The following CCDC73 variants were observed in gnomAD, a reference collection of about 807,000 sequenced individuals.
CCDC73 encodes coiled-coil domain-containing protein 73.
A neutral mutation model predicts 116.5 loss-of-function variants in CCDC73; 95 were observed. The ratio of observed to expected loss-of-function variants is 0.82; its 90% CI spans 0.69 to 0.97. The LOEUF is 0.97. Among genes scored for constraint, CCDC73 ranks in the 50% least tolerant of loss-of-function variants. The pLI is 0.00. For synonymous variants in CCDC73, 398 were observed against 401.3 expected (o/e 0.99, Z 0.10); for missense variants, 1,066 against 1,206.8 (o/e 0.88, Z 1.73).
chr11:32,802,633 G>A, the CCDC73 span, among the ~76,000 whole-genome samples: 1 of 152,220 alleles, frequency 6.6e-6, no homozygotes, highest in East Asian at 1.9e-4. Flanking sequence ...GTTCTAACAA[G>A]CAATTCCTGG....
At chr11:32,736,596 AG>A (rs1850131627) in intron 2 of CCDC73, among the ~76,000 whole-genome samples, 1 of 152,106 alleles carries the variant, frequency 6.6e-6, no homozygotes, top group South Asian at 2.1e-4. Flanking sequence ...TGTGGAAGTC[AG>A]TGTGGCGATT....
At chr11:32,660,245 A>AAAC (rs1554963521) in intron 9 of CCDC73, among the ~76,000 whole-genome samples, 5 of 150,670 alleles carry the variant, frequency 3.3e-5, no homozygotes, top group African/African-American at 1.2e-4. Context: ...AAAAAAAAAA[A>AAAC]AAAAAAAAAA....
intron 2 of CCDC73, among the ~76,000 whole-genome samples, chr11:32,740,148 C>CT (rs981820658): frequency 1.5e-4 from 21 of 136,918 alleles, no homozygotes; most frequent in Admixed American, 7.3e-4. Flanking sequence ...CTTTTTCTTT[C>CT]TTTTTTTTGT....
chr11:32,661,691 A>T (rs1855928740), intron 9 of CCDC73, among the ~76,000 whole-genome samples: 1 of 146,650 alleles, frequency 6.8e-6, no homozygotes, highest in Non-Finnish European at 1.5e-5. Context: ...TCTTTATTTT[A>T]TTATTATTAT....
chr11:32,694,726 G>C (rs534770179), intron 6 of CCDC73, among the ~76,000 whole-genome samples: 1 of 152,156 alleles, frequency 6.6e-6, no homozygotes, highest in African/African-American at 2.4e-5. Flanking sequence ...TTCTCTTACT[G>C]ACAACCTTTT....
the CCDC73 span, among the ~76,000 whole-genome samples, chr11:32,823,658 A>G: frequency 6.6e-6 from 1 of 152,146 alleles, no homozygotes; most frequent in East Asian, 1.9e-4. Context: ...CTGATAACAG[A>G]AAAATTCTGT....
the CCDC73 span, among the ~76,000 whole-genome samples, chr11:32,814,073 T>A: frequency 6.6e-6 from 1 of 152,222 alleles, no homozygotes; most frequent in Admixed American, 6.5e-5. Context: ...TTAATAATTT[T>A]CCTCATAAAG....
At chr11:32,765,895 C>T (rs969467544) in intron 1 of CCDC73, among the ~76,000 whole-genome samples, 1 of 152,200 alleles carries the variant, frequency 6.6e-6, no homozygotes, top group African/African-American at 2.4e-5. Flanking sequence ...GGAGCTGGTA[C>T]CATTCTTTCT....
chr11:32,730,859 T>C (rs545499632), intron 2 of CCDC73, among the ~76,000 whole-genome samples: 4 of 152,324 alleles, frequency 2.6e-5, no homozygotes, highest in East Asian at 1.9e-4. Flanking sequence ...ATGCAGAAGA[T>C]GGGTGATTTC....
the CCDC73 span, among the ~76,000 whole-genome samples, chr11:32,806,642 A>AAAAAG: frequency 2.0e-5 from 3 of 151,654 alleles, no homozygotes; most frequent in East Asian, 3.9e-4. Context: ...AAAAAAAAAA[A>AAAAAG]AAAGAAAGAA....
intron 1 of CCDC73, among the ~76,000 whole-genome samples, chr11:32,776,989 GTATATA>G (rs71063758): frequency 0.081 from 8,163 of 100,920 alleles, 426 homozygotes; most frequent in African/African-American, 0.16. Context: ...ATATACACAT[GTATATA>G]TATATATATA....
chr11:32,818,687 A>G, the CCDC73 span, among the ~76,000 whole-genome samples: 3 of 152,194 alleles, frequency 2.0e-5, no homozygotes, highest in Non-Finnish European at 2.9e-5. Context: ...AGGTTGAACA[A>G]AACGCCGTAT....
chr11:32,769,524 C>G (rs796213641), intron 1 of CCDC73, among the ~76,000 whole-genome samples: 13 of 152,270 alleles, frequency 8.5e-5, no homozygotes, highest in African/African-American at 2.4e-4. Context: ...TATGGAGTAA[C>G]ACTGCTCCTG....
intron 2 of CCDC73, among the ~76,000 whole-genome samples, chr11:32,743,919 C>A (rs375512202): frequency 6.6e-6 from 1 of 152,166 alleles, no homozygotes; most frequent in African/African-American, 2.4e-5. Flanking sequence ...TGCCTGACTG[C>A]CGTGGCCAGA....
At chr11:32,795,914 T>C (rs1338949937), upstream of CCDC73, among the ~76,000 whole-genome samples, 2 of 152,196 alleles carry the variant, frequency 1.3e-5, no homozygotes, top group Non-Finnish European at 2.9e-5. Context: ...GGTCTTGAAC[T>C]CCTGACCTCA....
chr11:32,802,084 ATATC>A, the CCDC73 span, among the ~76,000 whole-genome samples: 1 of 152,238 alleles, frequency 6.6e-6, no homozygotes, highest in Non-Finnish European at 1.5e-5. Context: ...ATGCAAATCA[ATATC>A]TCTGATAGCC....
At chr11:32,666,720 A>AG (rs1855986346) in intron 9 of CCDC73, among the ~76,000 whole-genome samples, 1 of 152,038 alleles carries the variant, frequency 6.6e-6, no homozygotes, top group African/African-American at 2.4e-5. Context: ...GTTCCTTTGG[A>AG]GGGGGAGAGG....
intron 2 of CCDC73, among the ~76,000 whole-genome samples, chr11:32,738,293 G>C (rs2133353923): frequency 6.6e-6 from 1 of 152,046 alleles, no homozygotes; most frequent in South Asian, 2.1e-4. Flanking sequence ...TTCTCCGTAG[G>C]GGTTATACTA....
intron 14 of CCDC73, among the ~76,000 whole-genome samples, chr11:32,627,437 A>G (rs1354931415): frequency 6.6e-6 from 1 of 152,224 alleles, no homozygotes; most frequent in Non-Finnish European, 1.5e-5. Context: ...CTAGAAGTAG[A>G]AATACCATTT....
Sources: gnomAD v4.1 joint callset for allele counts (sites outside exome capture counted in the v4.1 genomes callset) on GRCh38, gnomAD v4.1.1 for gene constraint, MANE v1.5 for transcripts, NCBI Gene and HGNC (gene_info 2026-07-23, HGNC 2026-07-21) for gene names.